FBXL7: variants seen among roughly 807,000 people sequenced by gnomAD.
FBXL7 encodes F-box and leucine rich repeat protein 7.
A neutral mutation model predicts 38.3 loss-of-function variants in FBXL7; 12 were observed. The ratio of observed to expected loss-of-function variants is 0.31; its 90% CI spans 0.20 to 0.51. The LOEUF (loss-of-function observed/expected upper bound fraction) is 0.51, where lower values mean the gene tolerates loss of function less well. FBXL7 is among the 20% of genes least tolerant of loss of function. FBXL7 has a pLI of 0.98. For synonymous variants in FBXL7, 297 were observed against 300.9 expected (o/e 0.99, Z 0.13); for missense variants, 567 against 676.4 (o/e 0.84, Z 1.79).
At chr5:15,750,074 GT>G (rs1561111591) in intron 2 of FBXL7, among the ~76,000 whole-genome samples, 1 of 152,068 alleles carries the variant, frequency 6.6e-6, no homozygotes, top group Non-Finnish European at 1.5e-5. Context: ...ATTCTGTTTC[GT>G]TTTTATTTAC....
intron 2 of FBXL7, among the ~76,000 whole-genome samples, chr5:15,819,204 G>T (rs1306900135): frequency 1.3e-5 from 2 of 152,272 alleles, no homozygotes; most frequent in South Asian, 2.1e-4. Context: ...GAGACTATAG[G>T]TACAGAAATG....
chr5:15,527,711 C>T (rs1175773213), intron 1 of FBXL7, among the ~76,000 whole-genome samples: 1 of 152,184 alleles, frequency 6.6e-6, no homozygotes, highest in Non-Finnish European at 1.5e-5. Flanking sequence ...ATAAGCTTTA[C>T]TCATAGAATT....
At chr5:15,745,575 A>C (rs575085925) in intron 2 of FBXL7, among the ~76,000 whole-genome samples, 1 of 152,350 alleles carries the variant, frequency 6.6e-6, no homozygotes, top group Non-Finnish European at 1.5e-5. Context: ...GCAGTGCTGC[A>C]TGAAAAAGTT....
chr5:15,750,542 CTGAT>C lies in FBXL7; in HGVS notation c.127+134474_127+134477del, dbSNP rs555270879. 2.0e-5 allele frequency among the ~76,000 whole-genome samples: 3 copies of C among 152,340 alleles called. No individual in the cohort carries two copies. The East Asian group carries it at 5.8e-4, about 29-fold the overall frequency. ...CCCACCTGCAGTTTCTATCAAGTCT[CTGAT>C]TGAACATTTAATCTAAAAGCTCCAT... On this transcript the variant is annotated intron_variant, in intron 2 of 3. Transcript: ENST00000504595.
intron 1 of FBXL7, among the ~76,000 whole-genome samples, chr5:15,560,966 C>T (rs1200687026): frequency 6.6e-6 from 1 of 152,158 alleles, no homozygotes; most frequent in Non-Finnish European, 1.5e-5. Flanking sequence ...TATGTGTATA[C>T]ATACTGTAGT....
At chr5:15,915,216 A>G (rs1268614896) in intron 2 of FBXL7, among the ~76,000 whole-genome samples, 1 of 152,228 alleles carries the variant, frequency 6.6e-6, no homozygotes, top group African/African-American at 2.4e-5. Flanking sequence ...TCAATATAAA[A>G]GTGTGGAAAG....
intron 2 of FBXL7, among the ~76,000 whole-genome samples, chr5:15,827,221 A>G (rs955242801): frequency 1.3e-5 from 2 of 151,134 alleles, no homozygotes; most frequent in Admixed American, 1.3e-4. Context: ...AATTCTCTCA[A>G]TGTGGTTTTT....
rs371946719 is a variant in FBXL7, at chr5:15,609,102, C to A, written c.38-6881C>A. Among the ~76,000 whole-genome samples, 4 of 152,166 alleles carry A rather than the reference C, an allele frequency of 2.6e-5. No individual in the cohort carries two copies. The East Asian group carries it at 7.7e-4, about 29-fold the overall frequency. On this transcript the variant is annotated intron_variant, in intron 1 of 3. Transcript: ENST00000504595. ...TGTAAACCACAGATTCCCCATCACT[C>A]CAACTGCACATGAAGCAGGCAGCCC...
In FBXL7 at chr5:15,558,540, A is replaced by T. The variant is rs1376302528; in HGVS notation, c.38-57443A>T. Reference sequence around the variant, plus strand: ...TATATGGTTTCTGAGTACCCAGCTCACTGTTCCCAAGGGATTTACTTTGGA... The same window carrying T: ...TATATGGTTTCTGAGTACCCAGCTCTCTGTTCCCAAGGGATTTACTTTGGA... On this transcript the variant is annotated intron_variant, in intron 1 of 3. Coordinates refer to ENST00000504595, the MANE Select transcript of FBXL7 (RefSeq NM_012304.5). Among the ~76,000 whole-genome samples, 3 of 152,226 alleles carry T rather than the reference A, an allele frequency of 2.0e-5. No individual in the cohort carries two copies. The East Asian group carries it at 5.8e-4, about 29-fold the overall frequency.
chr5:15,638,042 C>T (rs553712108), intron 2 of FBXL7, among the ~76,000 whole-genome samples: 1 of 152,302 alleles, frequency 6.6e-6, no homozygotes, highest in Non-Finnish European at 1.5e-5. Flanking sequence ...CTAGGTCAGG[C>T]CCCTTGCAAA....
At chr5:15,863,423 A>G (rs920658531) in intron 2 of FBXL7, among the ~76,000 whole-genome samples, 19 of 152,220 alleles carry the variant, frequency 1.2e-4, no homozygotes, top group Non-Finnish European at 2.5e-4. Flanking sequence ...AAATCAAGGC[A>G]GGAATTTGAC....
In FBXL7 at chr5:15,936,444, G is replaced by A. The variant is rs1400138262; in HGVS notation, c.740-6G>A. 1 of 1,610,732 alleles carries A rather than the reference G, an allele frequency of 6.2e-7. No individual in the cohort carries two copies. Among genetic ancestry groups the A allele is most frequent in the Non-Finnish European group, 8.5e-7 (1 of 1,178,922 alleles). ...CTCTGAGCCTGTGTTCTGTCTCTTT[G>A]TGCAGGATGCTCCAAAGTGACCTGC... On this transcript the variant is annotated splice_polypyrimidine_tract_variant and splice_region_variant and intron_variant, in intron 3 of 3. Coordinates refer to ENST00000504595, the MANE Select transcript of FBXL7 (RefSeq NM_012304.5). This position sits in a 1 kb window ranked among gnomAD's most constrained non-coding sequence, Gnocchi z 6.0.
chr5:15,721,331 T>C (rs1434158226), intron 2 of FBXL7, among the ~76,000 whole-genome samples: 1 of 152,114 alleles, frequency 6.6e-6, no homozygotes, highest in Non-Finnish European at 1.5e-5. Flanking sequence ...TCTGTGAGTA[T>C]TACATCCATG....
intron 2 of FBXL7, among the ~76,000 whole-genome samples, chr5:15,899,002 A>G (rs527846368): frequency 4.6e-4 from 70 of 152,234 alleles, no homozygotes; most frequent in Admixed American, 2.7e-3. Flanking sequence ...TGAGATATGT[A>G]TACACACATT....
intron 2 of FBXL7, among the ~76,000 whole-genome samples, chr5:15,668,482 G>A (rs546824634): frequency 2.6e-5 from 4 of 151,988 alleles, no homozygotes; most frequent in African/African-American, 9.7e-5. Context: ...TGACTAAATT[G>A]TGTCCAGTGT....
chr5:15,698,761 A>C (rs1012749420), intron 2 of FBXL7, among the ~76,000 whole-genome samples: 11 of 152,218 alleles, frequency 7.2e-5, no homozygotes, highest in Admixed American at 3.3e-4. Flanking sequence ...AGTATAGAAC[A>C]ATTTTCCATA....
chr5:15,820,818 T>TGTTCTTGA (rs1738149483), intron 2 of FBXL7, among the ~76,000 whole-genome samples: 1 of 152,098 alleles, frequency 6.6e-6, no homozygotes, highest in South Asian at 2.1e-4. Flanking sequence ...CTGTGCAATG[T>TGTTCTTGA]GTTCTTGAGA....
intron 2 of FBXL7, among the ~76,000 whole-genome samples, chr5:15,916,281 C>T (rs976075384): frequency 3.3e-5 from 5 of 152,162 alleles, no homozygotes; most frequent in Non-Finnish European, 5.9e-5. Context: ...TTCCAATAGT[C>T]ACCTGTGCCT....
Position 15,616,077 on chromosome 5 carries a change from G to T in FBXL7, c.127+5G>T. 6.2e-7 allele frequency: 1 copy of T among 1,600,238 alleles called. No homozygotes were observed. The highest frequency in any genetic ancestry group is 1.3e-5 in the African/African-American group (1 of 74,418). On this transcript the variant is annotated splice_donor_5th_base_variant and intron_variant, in intron 2 of 3. Coordinates refer to ENST00000504595, the MANE Select transcript of FBXL7 (RefSeq NM_012304.5). ...AGAATGTGGCTACCAGCGAAGGTAG[G>T]CAGCTGGTCTTCATTATCTCTCTTT...
Sources: allele counts gnomAD v4.1 joint callset (sites outside exome capture counted in the v4.1 genomes callset), GRCh38; gene constraint gnomAD v4.1.1; non-coding constraint Gnocchi (gnomAD v3.1); transcripts MANE v1.5; gene names NCBI Gene and HGNC (gene_info 2026-07-23, HGNC 2026-07-21).